The following GPM6A variants were observed in gnomAD, a reference collection of about 807,000 sequenced individuals.
GPM6A encodes glycoprotein M6A.
A neutral mutation model predicts 32.1 loss-of-function variants in GPM6A; 7 were observed. The observed-to-expected ratio is 0.22, with a 90% CI of 0.12 to 0.41. The LOEUF (loss-of-function observed/expected upper bound fraction) is 0.41, where lower values mean the gene tolerates loss of function less well. GPM6A is among the 10% of genes least tolerant of loss of function. The probability of loss-of-function intolerance (pLI) is 1.00; values close to 1 mark genes in which losing one functional copy is unlikely to be tolerated. For synonymous variants in GPM6A, 130 were observed against 123.4 expected (o/e 1.05, Z -0.35); for missense variants, 235 against 347.2 (o/e 0.68, Z 2.57).
chr4:175,792,472 G>A (rs1734051340), intron 1 of GPM6A, among the ~76,000 whole-genome samples: 1 of 151,978 alleles, frequency 6.6e-6, no homozygotes. Context: ...TTACTGCCCT[G>A]GTAATACATT....
intron 1 of GPM6A, among the ~76,000 whole-genome samples, chr4:175,714,994 G>GA (rs34494840): frequency 0.12 from 12,695 of 105,306 alleles, 609 homozygotes; most frequent in South Asian, 0.19. Context: ...ATCCCTGGAA[G>GA]AAAAAAAAAA....
At chr4:175,637,445 T>C (rs1313507589) in intron 6 of GPM6A, among the ~76,000 whole-genome samples, 36 of 71,300 alleles carry the variant, frequency 5.0e-4, no homozygotes, top group Non-Finnish European at 8.2e-4. Flanking sequence ...TAAAAATATA[T>C]GGAGAGCCTT....
upstream of GPM6A, among the ~76,000 whole-genome samples, chr4:175,815,546 A>G (rs1358250207): frequency 6.6e-6 from 1 of 151,940 alleles, no homozygotes; most frequent in Non-Finnish European, 1.5e-5. Context: ...TTTCCATTGT[A>G]TCGTATTGTA....
intron 1 of GPM6A, among the ~76,000 whole-genome samples, chr4:175,965,629 T>TC (rs1554005632): frequency 2.7e-4 from 41 of 151,250 alleles, no homozygotes; most frequent in African/African-American, 9.5e-4. Context: ...TTTTTTTTTT[T>TC]CCAAGACAGA....
chr4:175,990,644 T>C (rs1175272181), intron 1 of GPM6A, among the ~76,000 whole-genome samples: 1 of 93,114 alleles, frequency 1.1e-5, no homozygotes, highest in Non-Finnish European at 2.1e-5. Flanking sequence ...GGTGAAGTAG[T>C]TTTTTTTTTT....
chr4:175,889,685 C>T (rs1238956627), intron 1 of GPM6A, among the ~76,000 whole-genome samples: 7 of 152,020 alleles, frequency 4.6e-5, no homozygotes, highest in Non-Finnish European at 8.8e-5. Context: ...TGGTGGCGGA[C>T]GCCTGTAGTC....
intron 1 of GPM6A, among the ~76,000 whole-genome samples, chr4:175,923,462 C>T (rs142090256): frequency 3.3e-5 from 5 of 150,906 alleles, no homozygotes; most frequent in African/African-American, 7.3e-5. Context: ...GAGCAGAAGT[C>T]GGTGATGGAG....
rs181851259 is a variant in GPM6A, at chr4:175,833,977, G to A, written c.-22-21728C>T. The stretch of plus-strand genomic sequence containing the variant: ...CCTTCCAGAGAAGTGCTGTAACGCC[G>A]TCTCTGAGCTAGTGCGTTTCAGAAA... On this transcript the variant is annotated intron_variant, in intron 1 of 7. Transcript: ENST00000280187. Among the ~76,000 whole-genome samples, 256 of 152,180 alleles carry A rather than the reference G, an allele frequency of 1.7e-3. 1 individual carries two copies. Among genetic ancestry groups the A allele is most frequent in the African/African-American group, 5.3e-3 (222 of 41,528 alleles).
chr4:175,946,652 A>G (rs934585039), intron 1 of GPM6A, among the ~76,000 whole-genome samples: 1 of 152,178 alleles, frequency 6.6e-6, no homozygotes, highest in Non-Finnish European at 1.5e-5. Context: ...CCGCAAGCAC[A>G]GCTGTGGAGT....
intron 1 of GPM6A, among the ~76,000 whole-genome samples, chr4:175,889,228 G>A (rs1737555231): frequency 6.6e-6 from 1 of 152,106 alleles, no homozygotes; most frequent in Non-Finnish European, 1.5e-5. Flanking sequence ...GAATAGAATA[G>A]TATTTTTAAG....
chr4:175,764,934 C>A (rs1403696667), intron 1 of GPM6A, among the ~76,000 whole-genome samples: 5 of 151,180 alleles, frequency 3.3e-5, no homozygotes, highest in African/African-American at 9.7e-5. Flanking sequence ...AGTGCAATGG[C>A]GCCATCTCAG....
At chr4:175,881,147 GA>G (rs1209903866) in intron 1 of GPM6A, among the ~76,000 whole-genome samples, 2 of 151,814 alleles carry the variant, frequency 1.3e-5, no homozygotes, top group Admixed American at 6.6e-5. Context: ...AAATTTACAA[GA>G]AAAAAACAAA....
intron 1 of GPM6A, among the ~76,000 whole-genome samples, chr4:175,731,813 A>G (rs1446221023): frequency 2.0e-5 from 3 of 152,098 alleles, no homozygotes; most frequent in Non-Finnish European, 2.9e-5. Context: ...CTCTGACCTT[A>G]TCTTTGCTGA....
chr4:175,711,409 A>AATATAT lies in GPM6A; in HGVS notation c.38-9648_38-9643dup, dbSNP rs36105210. Among the ~76,000 whole-genome samples the AATATAT allele has an allele frequency of 2.9e-3, 153 of 53,162 alleles. 1 individual carries two copies. Among genetic ancestry groups the AATATAT allele is most frequent in the African/African-American group, 6.6e-3 (79 of 11,924 alleles). The allele number at this position is 53,162 out of a possible 152,430, so 34.9% of individuals were successfully genotyped here. A position where few individuals can be genotyped will look rare whatever the true frequency, so the allele number is the denominator to read the frequency against. On this transcript the variant is annotated intron_variant, in intron 1 of 6. Transcript: ENST00000393658. ...TTAAAAAGGGCACACTGGCACACCA[A>AATATAT]ATATATATATATATATATATATATA...
chr4:175,981,582 C>G (rs1740816839), intron 1 of GPM6A, among the ~76,000 whole-genome samples: 1 of 152,142 alleles, frequency 6.6e-6, no homozygotes, highest in Non-Finnish European at 1.5e-5. Flanking sequence ...TTCTTTACTG[C>G]TGAGTAGAAT....
intron 1 of GPM6A, among the ~76,000 whole-genome samples, chr4:175,967,844 A>G (rs1471188489): frequency 2.0e-5 from 3 of 152,214 alleles, no homozygotes; most frequent in Non-Finnish European, 4.4e-5. Flanking sequence ...GTTCTTCCCA[A>G]TTAGATCTAT....
chr4:175,746,116 A>C (rs1176766084), intron 1 of GPM6A, among the ~76,000 whole-genome samples: 2 of 152,178 alleles, frequency 1.3e-5, no homozygotes, highest in African/African-American at 4.8e-5. Context: ...CTTCCAGACA[A>C]AAAGGCTAAA....
chr4:175,654,336 T>G (rs1579346410), intron 3 of GPM6A: 1 of 152,274 alleles, frequency 6.6e-6, no homozygotes, highest in East Asian at 1.9e-4. Context: ...TCTTTATACT[T>G]CCGTTTCTGT....
intron 1 of GPM6A, among the ~76,000 whole-genome samples, chr4:175,831,715 C>CTTTTT (rs780096379): frequency 0.019 from 1,304 of 69,852 alleles, 120 homozygotes; most frequent in East Asian, 0.023. Flanking sequence ...TTAGCCATCT[C>CTTTTT]TTTTTTTTTT....
Sources: allele counts gnomAD v4.1 joint callset (sites outside exome capture counted in the v4.1 genomes callset), GRCh38; gene constraint gnomAD v4.1.1; transcripts MANE v1.5; gene names NCBI Gene and HGNC (gene_info 2026-07-23, HGNC 2026-07-21).